The following XNDC1N variants were observed in gnomAD, a reference collection of about 807,000 sequenced individuals.
XNDC1N encodes XRCC1 N-terminal domain containing 1, N-terminal like.
chr11:71,926,774 G>T, the XNDC1N span, among the ~76,000 whole-genome samples: 1 of 151,962 alleles, frequency 6.6e-6, no homozygotes, highest in African/African-American at 2.4e-5. Flanking sequence ...GGTGGCACAT[G>T]CCTGTAATCC....
the XNDC1N span, among the ~76,000 whole-genome samples, chr11:71,919,389 CTTTTT>C: frequency 5.9e-5 from 8 of 134,474 alleles, no homozygotes; most frequent in Admixed American, 1.5e-4. Flanking sequence ...AAGCAGAGCT[CTTTTT>C]TTTTTTTTTT....
chr11:71,900,485 G>C, the XNDC1N span, among the ~76,000 whole-genome samples: 1 of 152,090 alleles, frequency 6.6e-6, no homozygotes, highest in Non-Finnish European at 1.5e-5. Flanking sequence ...TGTGCAAACT[G>C]TCCGCTCAGC....
At chr11:71,896,965 A>T in the XNDC1N span, among the ~76,000 whole-genome samples, 4 of 152,234 alleles carry the variant, frequency 2.6e-5, no homozygotes, top group Non-Finnish European at 4.4e-5. Context: ...GAGTGCTAAG[A>T]AAGCTCATTG....
chr11:71,908,982 G>A, the XNDC1N span, among the ~76,000 whole-genome samples: 4 of 152,114 alleles, frequency 2.6e-5, no homozygotes, highest in Non-Finnish European at 5.9e-5. Flanking sequence ...GGCCACAAAC[G>A]TTAACAAGCT....
At chr11:71,868,393 A>T in the XNDC1N span, among the ~76,000 whole-genome samples, 1 of 152,108 alleles carries the variant, frequency 6.6e-6, no homozygotes, top group African/African-American at 2.4e-5. Context: ...TATGTAATTA[A>T]TTGTGTTTTG....
At chr11:71,871,494 A>G in the XNDC1N span, among the ~76,000 whole-genome samples, 2 of 152,192 alleles carry the variant, frequency 1.3e-5, no homozygotes, top group African/African-American at 2.4e-5. Context: ...TGTATTATAC[A>G]TTTTGAAATT....
chr11:71,917,539 T>C, the XNDC1N span: 9 of 703,564 alleles, frequency 1.3e-5, no homozygotes, highest in African/African-American at 3.5e-5. Context: ...CTACACCTAA[T>C]AGCACTCACA....
chr11:71,865,792 G>A, the XNDC1N span: 36 of 422,784 alleles, frequency 8.5e-5, 1 homozygote, highest in African/African-American at 2.8e-4. Flanking sequence ...TTGCTGTGGG[G>A]ATGTTTCCTT....
the XNDC1N span, among the ~76,000 whole-genome samples, chr11:71,887,495 G>A: frequency 3.3e-5 from 5 of 152,004 alleles, no homozygotes; most frequent in African/African-American, 1.2e-4. Context: ...ACTGAGCCAG[G>A]CCAAGAGAGA....
At chr11:71,873,673 G>A in the XNDC1N span, among the ~76,000 whole-genome samples, 2 of 152,116 alleles carry the variant, frequency 1.3e-5, no homozygotes, top group Non-Finnish European at 2.9e-5. Flanking sequence ...AATGTTTATG[G>A]AAGAGCAAGA....
At chr11:71,875,826 G>T in the XNDC1N span, among the ~76,000 whole-genome samples, 2 of 152,154 alleles carry the variant, frequency 1.3e-5, no homozygotes, top group Non-Finnish European at 2.9e-5. Flanking sequence ...AAGAGTTCAA[G>T]ACCAGCCTGG....
the XNDC1N span, among the ~76,000 whole-genome samples, chr11:71,894,705 G>A: frequency 6.6e-6 from 1 of 152,252 alleles, no homozygotes; most frequent in East Asian, 1.9e-4. Context: ...TCATATACAC[G>A]AAGTCCTCAC....
the XNDC1N span, among the ~76,000 whole-genome samples, chr11:71,896,669 T>G: frequency 6.6e-6 from 1 of 152,238 alleles, no homozygotes; most frequent in Admixed American, 6.5e-5. Flanking sequence ...GTTCAAGCGA[T>G]TCTCCTGCCT....
chr11:71,890,025 GA>G, the XNDC1N span, among the ~76,000 whole-genome samples: 1 of 152,294 alleles, frequency 6.6e-6, no homozygotes, highest in Non-Finnish European at 1.5e-5. Flanking sequence ...GGATCACACG[GA>G]AACTGCATGC....
the XNDC1N span, among the ~76,000 whole-genome samples, chr11:71,885,009 C>A: frequency 5.9e-5 from 9 of 152,198 alleles, 1 homozygote; most frequent in East Asian, 1.7e-3. Flanking sequence ...TTTTTAGGAT[C>A]CGCGGTGGAT....
At chr11:71,919,779 G>A in the XNDC1N span, among the ~76,000 whole-genome samples, 5 of 143,964 alleles carry the variant, frequency 3.5e-5, no homozygotes, top group South Asian at 2.2e-4. Flanking sequence ...CACCATGCCC[G>A]GCTAATTTTT....
chr11:71,882,178 A>G, the XNDC1N span, among the ~76,000 whole-genome samples: 3 of 152,004 alleles, frequency 2.0e-5, no homozygotes, highest in African/African-American at 7.3e-5. Flanking sequence ...AAACCACATA[A>G]GCAAAAAGAG....
the XNDC1N span, chr11:71,884,628 A>T: frequency 6.6e-7 from 1 of 1,526,220 alleles, no homozygotes; most frequent in Admixed American, 2.0e-5. Context: ...TTATCTATGA[A>T]TAATTAACAT....
chr11:71,911,633 C>A, the XNDC1N span, among the ~76,000 whole-genome samples: 9 of 152,176 alleles, frequency 5.9e-5, no homozygotes, highest in Non-Finnish European at 1.3e-4. Flanking sequence ...TACACTGATT[C>A]TCGGTATGTC....
Sources: allele counts gnomAD v4.1 joint callset (sites outside exome capture counted in the v4.1 genomes callset), GRCh38; gene constraint gnomAD v4.1.1; transcripts MANE v1.5; gene names NCBI Gene and HGNC (gene_info 2026-07-23, HGNC 2026-07-21).